Variants in PSMA1 observed in about 807,000 individuals in gnomAD.
PSMA1 encodes the protein proteasome subunit alpha type-1.
In PSMA1, 3 loss-of-function variants were observed where a neutral mutation model predicts 38.4. The observed-to-expected ratio is 0.08, with a 90% CI of 0.04 to 0.20. The LOEUF (loss-of-function observed/expected upper bound fraction) is 0.20, where lower values mean the gene tolerates loss of function less well. Ranked by LOEUF, PSMA1 falls within the 10% of genes least tolerant of loss-of-function variation. The pLI, the probability that PSMA1 is intolerant of heterozygous loss-of-function variation, is 1.00. For missense variants in PSMA1, 227 were observed against 325.3 expected (o/e 0.70, Z 2.32); for synonymous variants, 101 against 107.1 (o/e 0.94, Z 0.35).
chr11:14,509,306 A>T (rs1472540390), intron 8 of PSMA1, among the ~76,000 whole-genome samples: 2 of 151,936 alleles, frequency 1.3e-5, no homozygotes, highest in African/African-American at 4.8e-5. Flanking sequence ...CCCCCCTCAC[A>T]CCCTATAACA....
At chr11:14,564,680 C>T (rs1277865054) in intron 2 of PSMA1, among the ~76,000 whole-genome samples, 3 of 152,124 alleles carry the variant, frequency 2.0e-5, no homozygotes, top group Non-Finnish European at 4.4e-5. Flanking sequence ...TTTGTCTTTT[C>T]TTCATCCTTA....
chr11:14,594,745 G>GA (rs1402881457), intron 2 of PSMA1, among the ~76,000 whole-genome samples: 1 of 151,972 alleles, frequency 6.6e-6, no homozygotes, highest in Non-Finnish European at 1.5e-5. Flanking sequence ...CTTATGGGTT[G>GA]AAAAAATGCA....
At chr11:14,512,331 G>T (rs945631996) in intron 7 of PSMA1, among the ~76,000 whole-genome samples, 1 of 151,666 alleles carries the variant, frequency 6.6e-6, no homozygotes, top group East Asian at 1.9e-4. Context: ...CCGAGATCGC[G>T]CCATTGCACT....
chr11:14,600,662 C>A (rs1195262148), intron 2 of PSMA1, among the ~76,000 whole-genome samples: 1 of 152,220 alleles, frequency 6.6e-6, no homozygotes, highest in Non-Finnish European at 1.5e-5. Context: ...CTTCCCTTGG[C>A]TAGGAAAGGG....
rs1342290196 is a variant in PSMA1, at chr11:14,608,483, G to A, written c.21+2483C>T. 2.0e-5 allele frequency among the ~76,000 whole-genome samples: 3 copies of A among 151,040 alleles called. No homozygotes were observed. In the East Asian group the frequency reaches 5.8e-4, roughly 29 times the overall value. On this transcript the variant is annotated intron_variant, in intron 2 of 10. Coordinates refer to the PSMA1 transcript ENST00000418988. The stretch of plus-strand genomic sequence containing the variant: ...GCTAAATGACGAGTTAATGGGTGAA[G>A]CACACCAACATGGCACATGTATACA...
chr11:14,579,509 T>TTTTTTTTC (rs746024063), intron 2 of PSMA1, among the ~76,000 whole-genome samples: 1 of 125,428 alleles, frequency 8.0e-6, no homozygotes, highest in Non-Finnish European at 1.7e-5. Flanking sequence ...TTTTTTTTTT[T>TTTTTTTTC]AAATAAGGTA....
exon 1 of PSMA1, chr11:14,643,614 C>T (rs1853252628): frequency 6.6e-6 from 1 of 150,962 alleles, no homozygotes; most frequent in East Asian, 2.0e-4. Context: ...GGTCCCGGCT[C>T]GCGTCCCTGT....
At position 14,534,121 on chromosome 11, in the gene PSMA1, C is replaced by A. The variant is rs893199517; in HGVS notation, c.22-15080G>T. Reference sequence around the variant, plus strand: ...ACTTGAACCCAGGAGGTGGAGGTTGCAGTGAGCCGAAATTGTGCCACTGCA... The same window carrying A: ...ACTTGAACCCAGGAGGTGGAGGTTGAAGTGAGCCGAAATTGTGCCACTGCA... On this transcript the variant is annotated intron_variant, in intron 2 of 10. Transcript: ENST00000418988. The surrounding 1 kb of genome is among the most constrained non-coding windows in gnomAD (Gnocchi z 4.5). 5.3e-5 allele frequency among the ~76,000 whole-genome samples: 8 copies of A among 152,086 alleles called. No individual in the cohort carries two copies. The highest frequency in any genetic ancestry group is 1.7e-4 in the African/African-American group (7 of 41,412).
intron 2 of PSMA1, among the ~76,000 whole-genome samples, chr11:14,550,863 C>T (rs1340075820): frequency 6.6e-6 from 1 of 151,890 alleles, no homozygotes; most frequent in African/African-American, 2.4e-5. Context: ...GAGGAATTAC[C>T]ATCAAGATTG....
intron 2 of PSMA1, among the ~76,000 whole-genome samples, chr11:14,571,061 TTTTTG>T (rs1051930302): frequency 1.3e-5 from 2 of 152,122 alleles, no homozygotes; most frequent in African/African-American, 4.8e-5. Context: ...TCAACATTCT[TTTTTG>T]TTTTGTTTTG....
chr11:14,583,119 A>C (rs1852302344), intron 2 of PSMA1, among the ~76,000 whole-genome samples: 1 of 152,198 alleles, frequency 6.6e-6, no homozygotes, highest in Admixed American at 6.5e-5. Context: ...CCAAAAGCTG[A>C]ACCTGTGCTG....
At chr11:14,623,659 C>T (rs1852876465) in intron 1 of PSMA1, among the ~76,000 whole-genome samples, 1 of 152,144 alleles carries the variant, frequency 6.6e-6, no homozygotes. Flanking sequence ...GATATAATAA[C>T]CAGACCAGTT....
At position 14,513,821 on chromosome 11, in the gene PSMA1, T is replaced by A. The variant is rs146802101; in HGVS notation, c.410A>T (p.Tyr137Phe). 5.9e-5 allele frequency: 93 copies of A among 1,589,168 alleles called. 1 individual carries two copies. In the African/African-American group the frequency reaches 1.1e-3, roughly 19 times the overall value. Residue 137 changes from tyrosine (Y) to phenylalanine (F), a missense_variant, in exon 6 of 10, where the codon TAT (tyrosine) becomes TTT (phenylalanine). Coordinates refer to ENST00000396394, the MANE Select transcript of PSMA1 (RefSeq NM_002786.4). Reference protein sequence around the residue: ...PYGVGLLIAGYDDMGPHIFQT... With the variant: ...PYGVGLLIAGFDDMGPHIFQT... ...AACAATATTCAATGAACTTACATCATAACCAGCAATAAGGAGACCAACACC... is the reference window on the plus strand; with the variant it reads ...AACAATATTCAATGAACTTACATCAAAACCAGCAATAAGGAGACCAACACC...
At chr11:14,619,343 G>A (rs1369777910) in intron 1 of PSMA1, among the ~76,000 whole-genome samples, 8 of 151,868 alleles carry the variant, frequency 5.3e-5, no homozygotes, top group Admixed American at 5.3e-4. Flanking sequence ...CAGCTACTTG[G>A]TAAACTGAAG....
intron 2 of PSMA1, among the ~76,000 whole-genome samples, chr11:14,598,060 T>G (rs1360830343): frequency 1.3e-5 from 2 of 152,230 alleles, no homozygotes; most frequent in Non-Finnish European, 2.9e-5. Context: ...TGTGTGGTTT[T>G]TAGTCATTTT....
intron 1 of PSMA1, among the ~76,000 whole-genome samples, chr11:14,612,490 A>T (rs1852722172): frequency 6.6e-6 from 1 of 152,142 alleles, no homozygotes; most frequent in Non-Finnish European, 1.5e-5. Flanking sequence ...TTATCATATA[A>T]GCAGTTTATC....
intron 1 of PSMA1, among the ~76,000 whole-genome samples, chr11:14,633,537 T>A (rs564810945): frequency 6.6e-6 from 1 of 152,256 alleles, no homozygotes; most frequent in East Asian, 1.9e-4. Context: ...ACTGCTCTCT[T>A]CAAAGCTGTC....
chr11:14,617,219 A>G (rs1215041165), intron 1 of PSMA1, among the ~76,000 whole-genome samples: 1 of 152,222 alleles, frequency 6.6e-6, no homozygotes, highest in South Asian at 2.1e-4. Flanking sequence ...GACAAAGTTT[A>G]GGGAATACCA....
rs368892641 is a variant in PSMA1 at position 14,537,711 on chromosome 11, C to CTT, written c.22-18672_22-18671dup. ...GCAATTTTAATGTGGTAAAATTACC[C>CTT]TTTTTTTTTTTTTTTTAGACAGAGT... is the stretch of plus-strand genomic sequence containing the variant. On this transcript the variant is annotated intron_variant, in intron 2 of 10. Coordinates refer to the PSMA1 transcript ENST00000418988. Among the ~76,000 whole-genome samples the CTT allele has an allele frequency of 7.4e-4, 103 of 138,384 alleles. 1 individual carries two copies. The highest frequency in any genetic ancestry group is 1.7e-3 in the East Asian group (8 of 4,800). 90.8% of individuals were successfully genotyped at this position (138,384 alleles called of 152,430 possible).
Sources: gnomAD v4.1 joint callset for allele counts (sites outside exome capture counted in the v4.1 genomes callset) on GRCh38, gnomAD v4.1.1 for gene constraint, Gnocchi (gnomAD v3.1) non-coding constraint, MANE v1.5 for transcripts, NCBI Gene and HGNC (gene_info 2026-07-23, HGNC 2026-07-21) for gene names.